The following AFF2 variants were observed in gnomAD, a reference collection of about 807,000 sequenced individuals.
AFF2 encodes AF4/FMR2 family member 2.
A neutral mutation model predicts 76.9 loss-of-function variants in AFF2; 14 were observed. That is an observed-to-expected ratio of 0.18 (90% CI 0.12 to 0.28). The LOEUF (loss-of-function observed/expected upper bound fraction) is 0.28, where lower values mean the gene tolerates loss of function less well. Among genes scored for constraint, AFF2 ranks in the 10% least tolerant of loss-of-function variants. AFF2 has a pLI of 1.00. For missense variants in AFF2, 868 were observed against 1,001.1 expected (o/e 0.87, Z 1.79); for synonymous variants, 398 against 366.7 (o/e 1.09, Z -0.98).
At chrX:148,833,006 A>C (rs2070473138) in intron 4 of AFF2, among the ~76,000 whole-genome samples, 1 of 111,611 alleles carries the variant, frequency 9.0e-6, no homozygotes, top group South Asian at 3.8e-4. Context: ...GAGCTCTTTT[A>C]CAGTAAGTAC....
chrX:148,990,398 G>A (rs1184025855), intron 20 of AFF2, among the ~76,000 whole-genome samples: 5 of 112,322 alleles, frequency 4.5e-5, no homozygotes, highest in Admixed American at 1.9e-4. Context: ...TTGCCAGAGA[G>A]CTCTCTCATA....
chrX:148,777,975 A>G (rs1165281788), intron 3 of AFF2, among the ~76,000 whole-genome samples: 2 of 111,845 alleles, frequency 1.8e-5, no homozygotes, highest in African/African-American at 6.5e-5. Context: ...TCAGTATGAT[A>G]TTGTCTGTGG....
intron 3 of AFF2, among the ~76,000 whole-genome samples, chrX:148,707,954 C>T (rs1405971832): frequency 9.0e-6 from 1 of 111,597 alleles, no homozygotes; most frequent in African/African-American, 3.3e-5. Flanking sequence ...GACAGAACTG[C>T]AAATGATTCA....
intron 9 of AFF2, among the ~76,000 whole-genome samples, chrX:148,943,671 A>G (rs2071866896): frequency 8.9e-6 from 1 of 112,203 alleles, no homozygotes; most frequent in Non-Finnish European, 1.9e-5. Flanking sequence ...TGATGATGAT[A>G]TCCTCTTGGA....
At chrX:148,623,010 G>A (rs2053884638) in intron 1 of AFF2, among the ~76,000 whole-genome samples, 1 of 111,910 alleles carries the variant, frequency 8.9e-6, no homozygotes, top group South Asian at 3.7e-4. Flanking sequence ...GGGCTTGGTA[G>A]AAACAATTCA....
At chrX:148,871,217 G>A (rs2070970691) in intron 7 of AFF2, among the ~76,000 whole-genome samples, 1 of 111,552 alleles carries the variant, frequency 9.0e-6, no homozygotes, top group Non-Finnish European at 1.9e-5. Flanking sequence ...GCTTAAGGGA[G>A]CCCCAACTTA....
chrX:148,541,024 C>T (rs1398251366), intron 1 of AFF2, among the ~76,000 whole-genome samples: 1 of 112,300 alleles, frequency 8.9e-6, no homozygotes, highest in Non-Finnish European at 1.9e-5. Flanking sequence ...AGAAACAACT[C>T]AGTCATTCAA....
chrX:148,908,406 G>T (rs782488670), intron 9 of AFF2, among the ~76,000 whole-genome samples: 6 of 112,113 alleles, frequency 5.4e-5, no homozygotes, highest in East Asian at 5.6e-4. Flanking sequence ...ACAAATAAAT[G>T]TCCATGAAAT....
intron 9 of AFF2, among the ~76,000 whole-genome samples, chrX:148,949,309 T>G (rs1349207083): frequency 9.0e-6 from 1 of 111,407 alleles, no homozygotes; most frequent in East Asian, 2.8e-4. Flanking sequence ...AGACTATCTC[T>G]TAAAGCCCAT....
At chrX:148,825,747 G>GT (rs575960026) in intron 4 of AFF2, among the ~76,000 whole-genome samples, 5,399 of 88,944 alleles carry the variant, frequency 0.061, 208 homozygotes, top group African/African-American at 0.14. Flanking sequence ...TCTGACCAGG[G>GT]TTTTTTTTTT....
chrX:148,740,722 T>G (rs1162152173), intron 3 of AFF2, among the ~76,000 whole-genome samples: 1 of 112,062 alleles, frequency 8.9e-6, no homozygotes, highest in South Asian at 3.7e-4. Context: ...TTGAAGATCC[T>G]TGTTTTGTCA....
chrX:148,828,699 C>T (rs1207715277), intron 4 of AFF2, among the ~76,000 whole-genome samples: 2 of 111,839 alleles, frequency 1.8e-5, no homozygotes, highest in Non-Finnish European at 3.8e-5. Context: ...CTTGTATTTA[C>T]CTTTGGAGAC....
intron 7 of AFF2, among the ~76,000 whole-genome samples, chrX:148,856,755 CT>C (rs1385868190): frequency 1.8e-5 from 2 of 112,591 alleles, no homozygotes; most frequent in South Asian, 3.7e-4. Flanking sequence ...TGAAAAACTG[CT>C]TTTGAAATAT....
At chrX:148,627,583 G>A (rs995309647) in intron 1 of AFF2, among the ~76,000 whole-genome samples, 9 of 111,957 alleles carry the variant, frequency 8.0e-5, no homozygotes, top group African/African-American at 2.9e-4. Context: ...TGAAAACAGG[G>A]CAGTAGCAAT....
chrX:148,521,131 G>A (rs1230731641), intron 1 of AFF2, among the ~76,000 whole-genome samples: 1 of 111,474 alleles, frequency 9.0e-6, no homozygotes, highest in African/African-American at 3.3e-5. Flanking sequence ...TGGCTTGAGG[G>A]AAGCAGGCTT....
At chrX:148,773,781 G>A (rs140740881) in intron 3 of AFF2, among the ~76,000 whole-genome samples, 1,213 of 109,816 alleles carry the variant, frequency 0.011, 4 homozygotes, top group South Asian at 0.024. Context: ...AGAAAACATT[G>A]TCAAAGGTTT....
At chrX:148,573,380 G>A (rs2124329948) in intron 1 of AFF2, among the ~76,000 whole-genome samples, 1 of 111,298 alleles carries the variant, frequency 9.0e-6, no homozygotes, top group South Asian at 3.8e-4. Context: ...AAGCCTGGGG[G>A]AAGTGCTATA....
At chrX:148,534,004 A>G (rs1603233821) in intron 1 of AFF2, among the ~76,000 whole-genome samples, 1 of 112,138 alleles carries the variant, frequency 8.9e-6, no homozygotes, top group Non-Finnish European at 1.9e-5. Context: ...TGTAATTCCC[A>G]TTGCCACTTT....
At chrX:148,764,392 G>A (rs935167949) in intron 3 of AFF2, among the ~76,000 whole-genome samples, 1 of 112,212 alleles carries the variant, frequency 8.9e-6, no homozygotes, top group Non-Finnish European at 1.9e-5. Flanking sequence ...ATTAAAAGAT[G>A]CCAGTTTTGA....
Sources: gnomAD v4.1 joint callset for allele counts (sites outside exome capture counted in the v4.1 genomes callset) on GRCh38, gnomAD v4.1.1 for gene constraint, MANE v1.5 for transcripts, NCBI Gene and HGNC (gene_info 2026-07-23, HGNC 2026-07-21) for gene names.